GHR: variants seen among roughly 807,000 people sequenced by gnomAD.
GHR encodes growth hormone receptor.
Under a neutral mutation model 67.1 loss-of-function variants are expected in GHR, and 35 were observed. That is an observed-to-expected ratio of 0.52 (90% CI 0.40 to 0.69). The LOEUF is 0.69. Ranked by LOEUF, GHR falls within the 30% of genes least tolerant of loss-of-function variation. The pLI, the probability that GHR is intolerant of heterozygous loss-of-function variation, is 0.00. For missense variants in GHR, 792 were observed against 764.6 expected (o/e 1.04, Z -0.42); for synonymous variants, 272 against 269.1 (o/e 1.01, Z -0.10).
At chr5:42,463,259 T>C (rs1290417774) in intron 1 of GHR, among the ~76,000 whole-genome samples, 1 of 152,216 alleles carries the variant, frequency 6.6e-6, no homozygotes, top group Non-Finnish European at 1.5e-5. Flanking sequence ...TAAATGTATA[T>C]TGAGAGAGAA....
At chr5:42,478,631 A>C (rs1028401303) in intron 1 of GHR, among the ~76,000 whole-genome samples, 14 of 152,032 alleles carry the variant, frequency 9.2e-5, no homozygotes, top group Non-Finnish European at 1.6e-4. Context: ...TAGGTATTTT[A>C]TTCTCTTTGA....
chr5:42,506,979 C>G (rs931812224), intron 1 of GHR, among the ~76,000 whole-genome samples: 1 of 152,162 alleles, frequency 6.6e-6, no homozygotes, highest in Admixed American at 6.6e-5. Flanking sequence ...GATTATATTA[C>G]TAATCCATTG....
chr5:42,684,553 C>T (rs1757044500), intron 3 of GHR, among the ~76,000 whole-genome samples: 1 of 152,104 alleles, frequency 6.6e-6, no homozygotes, highest in African/African-American at 2.4e-5. Context: ...GAGGTGCTTG[C>T]CTAACGAAAT....
intron 1 of GHR, among the ~76,000 whole-genome samples, chr5:42,547,700 T>C (rs1748801576): frequency 6.6e-6 from 1 of 152,164 alleles, no homozygotes; most frequent in African/African-American, 2.4e-5. Context: ...GGGGACTAAA[T>C]TAAGATGCAG....
chr5:42,556,108 G>C (rs554966179), intron 1 of GHR, among the ~76,000 whole-genome samples: 97 of 152,158 alleles, frequency 6.4e-4, no homozygotes, highest in African/African-American at 2.0e-3. Context: ...TACCATGTTG[G>C]ACTCGATAAA....
chr5:42,700,019 C>G lies in GHR; in HGVS notation c.618+17C>G, dbSNP rs765375489. The G allele has an allele frequency of 2.0e-6, 3 of 1,494,206 alleles. No homozygotes were observed. In the South Asian group the frequency reaches 3.4e-5, roughly 17 times the overall value. The allele number at this position is 1,494,206 out of a possible 1,614,324, so 92.6% of individuals were successfully genotyped here. On this transcript the variant is annotated intron_variant, in intron 6 of 9. Coordinates refer to ENST00000230882, the MANE Select transcript of GHR (RefSeq NM_000163.5). The stretch of plus-strand genomic sequence containing the variant: ...TGGAAAATGGTAAGATGTTGCTACA[C>G]CTTACACTTTGACTTTTCTTTCTAT...
At chr5:42,490,293 G>A (rs1358592100) in intron 1 of GHR, among the ~76,000 whole-genome samples, 1 of 152,206 alleles carries the variant, frequency 6.6e-6, no homozygotes, top group Non-Finnish European at 1.5e-5. Flanking sequence ...TCACAATTTT[G>A]TGCATAGAGA....
chr5:42,477,576 CAACTGGTGT>C (rs1313122219), intron 1 of GHR, among the ~76,000 whole-genome samples: 1 of 152,234 alleles, frequency 6.6e-6, no homozygotes, highest in East Asian at 1.9e-4. Context: ...ATCGCCATTC[CAACTGGTGT>C]GAGATGGTAT....
At chr5:42,426,750 A>G (rs1384584584) in intron 1 of GHR, among the ~76,000 whole-genome samples, 1 of 152,186 alleles carries the variant, frequency 6.6e-6, no homozygotes, top group Non-Finnish European at 1.5e-5. Context: ...GACAGTACAG[A>G]ATGTCTTTCT....
At chr5:42,558,433 C>G (rs1464436426) in intron 1 of GHR, among the ~76,000 whole-genome samples, 1 of 152,080 alleles carries the variant, frequency 6.6e-6, no homozygotes, top group South Asian at 2.1e-4. Flanking sequence ...AATGTATATA[C>G]GAATGCTACC....
intron 2 of GHR, among the ~76,000 whole-genome samples, chr5:42,617,259 A>G (rs1013651287): frequency 1.3e-5 from 2 of 151,722 alleles, no homozygotes; most frequent in African/African-American, 4.8e-5. Flanking sequence ...AAAAAGAAGA[A>G]GAAGACTAGA....
chr5:42,467,780 C>A lies in GHR; in HGVS notation c.-12+43825C>A, dbSNP rs185365685. ...ACGAGGTTTGCACTCTGACTAAATC[C>A]TTTCCCACACATGCTACAATGTAAA... On this transcript the variant is annotated intron_variant, in intron 1 of 9. Coordinates refer to ENST00000230882, the MANE Select transcript of GHR (RefSeq NM_000163.5). 1.7e-3 allele frequency: 2,498 copies of A among 1,509,250 alleles called. 10 individuals are homozygous for A. The highest frequency in any genetic ancestry group is 1.5e-3 in the Non-Finnish European group (1,658 of 1,092,516). 93.5% of individuals were successfully genotyped at this position (1,509,250 alleles called of 1,614,324 possible).
At chr5:42,673,310 G>A (rs575439111) in intron 3 of GHR, among the ~76,000 whole-genome samples, 1 of 152,186 alleles carries the variant, frequency 6.6e-6, no homozygotes, top group East Asian at 1.9e-4. Flanking sequence ...CACGGTTGCT[G>A]GGAATGTAAG....
intron 1 of GHR, among the ~76,000 whole-genome samples, chr5:42,525,282 CG>C (rs1390610303): frequency 6.6e-6 from 1 of 152,226 alleles, no homozygotes; most frequent in Non-Finnish European, 1.5e-5. Context: ...CTTCCATCAG[CG>C]TGACCTGGAT....
intron 2 of GHR, among the ~76,000 whole-genome samples, chr5:42,569,654 A>G (rs1750163441): frequency 6.6e-6 from 1 of 152,096 alleles, no homozygotes; most frequent in African/African-American, 2.4e-5. Flanking sequence ...ATCTACATGT[A>G]ATATTGATAT....
intron 2 of GHR, among the ~76,000 whole-genome samples, chr5:42,576,143 T>TAGTAA (rs1750729474): frequency 3.6e-5 from 3 of 83,478 alleles, no homozygotes; most frequent in African/African-American, 1.5e-4. Context: ...TAAAATAAAA[T>TAGTAA]AGTAAAGTAA....
intron 2 of GHR, among the ~76,000 whole-genome samples, chr5:42,583,922 A>G (rs960044974): frequency 1.3e-5 from 2 of 149,790 alleles, no homozygotes; most frequent in South Asian, 4.2e-4. Flanking sequence ...AGAAGCTTCC[A>G]GTCACCAGGT....
intron 1 of GHR, among the ~76,000 whole-genome samples, chr5:42,438,270 C>A (rs1743419797): frequency 6.6e-6 from 1 of 152,166 alleles, no homozygotes; most frequent in African/African-American, 2.4e-5. Context: ...TGTTCAAGAA[C>A]CCACAGCTGG....
At chr5:42,675,523 G>A (rs1264140243) in intron 3 of GHR, among the ~76,000 whole-genome samples, 1 of 152,134 alleles carries the variant, frequency 6.6e-6, no homozygotes, top group Non-Finnish European at 1.5e-5. Context: ...AATTTGAAAG[G>A]CAATAAACTA....
Sources: gnomAD v4.1 joint callset for allele counts (sites outside exome capture counted in the v4.1 genomes callset) on GRCh38, gnomAD v4.1.1 for gene constraint, MANE v1.5 for transcripts, NCBI Gene and HGNC (gene_info 2026-07-23, HGNC 2026-07-21) for gene names.